The following EP400 variants were observed in gnomAD, a reference collection of about 807,000 sequenced individuals.
The protein encoded by EP400 is E1A-binding protein p400.
In EP400, 105 loss-of-function variants were observed where a neutral mutation model predicts 354.1. The observed-to-expected ratio is 0.30, with a 90% confidence interval of 0.25 to 0.35. The LOEUF is 0.35. Among genes scored for constraint, EP400 ranks in the 10% least tolerant of loss-of-function variants. The probability of loss-of-function intolerance (pLI) is 1.00; values close to 1 mark genes in which losing one functional copy is unlikely to be tolerated. For synonymous variants in EP400, 1,646 were observed against 1,716.9 expected (o/e 0.96, Z 1.02); for missense variants, 3,280 against 4,121.0 (o/e 0.80, Z 5.59).
At chr12:132,002,718 A>G (rs1323459609) in intron 12 of EP400, among the ~76,000 whole-genome samples, 2 of 152,224 alleles carry the variant, frequency 1.3e-5, no homozygotes, top group Non-Finnish European at 2.9e-5. Context: ...GAGTCTTGGA[A>G]GTCACCTACG....
chr12:132,012,910 G>T, intron 16 of EP400, 99 bp from the exon 17 acceptor site: 1 of 1,264,640 alleles, frequency 7.9e-7, no homozygotes, highest in East Asian at 2.6e-5. Flanking sequence ...GGTGGGAACG[G>T]AGTCACTGGG....
At chr12:131,989,599 C>G (rs1242744349) in intron 7 of EP400, among the ~76,000 whole-genome samples, 1 of 152,206 alleles carries the variant, frequency 6.6e-6, no homozygotes, top group Non-Finnish European at 1.5e-5. Flanking sequence ...CCAATAATTT[C>G]TATAACTGGT....
chr12:131,964,011 A>G (rs1455852106), intron 2 of EP400, among the ~76,000 whole-genome samples: 1 of 152,186 alleles, frequency 6.6e-6, no homozygotes, highest in Admixed American at 6.5e-5. Flanking sequence ...GAAAAAAAAG[A>G]TTCAAGTAGA....
intron 2 of EP400, among the ~76,000 whole-genome samples, chr12:131,968,384 T>C (rs1188497115): frequency 6.6e-6 from 1 of 152,246 alleles, no homozygotes; most frequent in Admixed American, 6.5e-5. Flanking sequence ...GATGAGTTGA[T>C]ACTTTTATGG....
Position 132,045,768 on chromosome 12 carries a change from C to G in EP400, c.7068C>G (p.Ile2356Met). ...TGGAGCTGCCTTTGAACCTCACAAT[C>G]GTGTCACCTGCTCACACACCTAATT... ...QLLELPLNLT[I>M]VSPAHTPNWD... The change falls in exon 39 of 53, where the codon ATC becomes ATG. Residue 2356 changes from isoleucine (I) to methionine (M), a missense_variant. Ile to Met is a conservative substitution (Grantham distance 10, BLOSUM62 1). Coordinates refer to ENST00000389561, the MANE Select transcript of EP400 (RefSeq NM_015409.5). 1 of 1,614,242 alleles carries G rather than the reference C, an allele frequency of 6.2e-7. No individual in the cohort carries two copies. Among genetic ancestry groups the G allele is most frequent in the Non-Finnish European group, 8.5e-7 (1 of 1,180,048 alleles).
chr12:131,982,094 A>G lies in EP400; in HGVS notation c.1545A>G (p.Gly515=), dbSNP rs1269003556. The G allele has an allele frequency of 6.6e-7, 1 of 1,506,456 alleles. No individual in the cohort carries two copies. Among genetic ancestry groups the G allele is most frequent in the Non-Finnish European group, 8.8e-7 (1 of 1,132,236 alleles). The allele number at this position is 1,506,456 out of a possible 1,614,324, so 93.3% of individuals were successfully genotyped here. The change falls in exon 5 of 53, where the codon GGA becomes GGG. Residue 515 remains glycine, a splice_region_variant and synonymous_variant. Coordinates refer to ENST00000389561, the MANE Select transcript of EP400 (RefSeq NM_015409.5). ...PLQQLMPTAQ[G]GMPPTPQAAQ... ...TTTGGCACTTTTCTTATTTTGCAGGAGGAATGCCCCCCACGCCGCAGGCCG... is the reference window on the plus strand; with the variant it reads ...TTTGGCACTTTTCTTATTTTGCAGGGGGAATGCCCCCCACGCCGCAGGCCG...
chr12:132,069,444 T>A (rs1188573305), intron 50 of EP400, 51 bp from the exon 51 acceptor site: 1 of 1,591,016 alleles, frequency 6.3e-7, no homozygotes, highest in South Asian at 1.1e-5. Flanking sequence ...GTCCCGGGAG[T>A]CTTGAGCGCG....
In EP400 at chr12:132,075,355, G is replaced by A. The variant is rs1232036613; in HGVS notation, c.9022-1161G>A. ...AGGTTGTGCAGCTTTTCTGCTCCGTGACTCGTGATGCCCGCCTGTGCTTAG... is the reference window on the plus strand; with the variant it reads ...AGGTTGTGCAGCTTTTCTGCTCCGTAACTCGTGATGCCCGCCTGTGCTTAG... On this transcript the variant is annotated intron_variant, in intron 51 of 52. Coordinates refer to ENST00000389561, the MANE Select transcript of EP400 (RefSeq NM_015409.5). This position sits in a 1 kb window ranked among gnomAD's most constrained non-coding sequence, Gnocchi z 4.5. 1.3e-5 allele frequency among the ~76,000 whole-genome samples: 2 copies of A among 152,176 alleles called. No individual in the cohort carries two copies. The highest frequency in any genetic ancestry group is 4.8e-5 in the African/African-American group (2 of 41,454).
At chr12:132,060,271 A>T (rs1277629514) in intron 45 of EP400, among the ~76,000 whole-genome samples, 2 of 152,186 alleles carry the variant, frequency 1.3e-5, no homozygotes, top group Non-Finnish European at 2.9e-5. Context: ...AAGATGACAC[A>T]TGGAGGACAT....
intron 47 of EP400, among the ~76,000 whole-genome samples, chr12:132,063,182 A>G (rs1361628485): frequency 6.6e-6 from 1 of 152,226 alleles, no homozygotes; most frequent in East Asian, 1.9e-4. Flanking sequence ...CCTCTGTACC[A>G]GCTTTGCTGT....
Position 132,053,597 on chromosome 12 carries a change from G to T in EP400, c.7728G>T (p.Leu2576=). 2 of 1,531,558 alleles carry T rather than the reference G, an allele frequency of 1.3e-6. No homozygotes were observed. Among genetic ancestry groups the T allele is most frequent in the Non-Finnish European group, 1.7e-6 (2 of 1,143,634 alleles). The allele number at this position is 1,531,558 out of a possible 1,614,324, so 94.9% of individuals were successfully genotyped here. The change falls in exon 43 of 53, where the codon CTG becomes CTT. Residue 2576 remains leucine, a splice_region_variant and synonymous_variant. Coordinates refer to ENST00000389561, the MANE Select transcript of EP400 (RefSeq NM_015409.5). ...CGACGGGGGGCAGTGCAGCCGTACTGGTGAGCAGGGGCCTCCTCCCGGGCT... is the reference window on the plus strand; with the variant it reads ...CGACGGGGGGCAGTGCAGCCGTACTTGTGAGCAGGGGCCTCCTCCCGGGCT... ...AITTGGSAAV[L]AGTIKTSVTG...
chr12:131,972,936 C>T (rs935229737), intron 2 of EP400, among the ~76,000 whole-genome samples: 3 of 151,620 alleles, frequency 2.0e-5, no homozygotes, highest in Non-Finnish European at 4.4e-5. Context: ...TTTACCATGT[C>T]GGCCAGGCTG....
At chr12:132,061,982 G>A in intron 45 of EP400, 128 bp from the exon 46 acceptor site, 2 of 732,970 alleles carry the variant, frequency 2.7e-6, no homozygotes, top group Non-Finnish European at 4.5e-6. Flanking sequence ...TCAAAAGACT[G>A]AACTCTAGCG....
At chr12:132,062,972 G>T (rs545620183) in intron 47 of EP400, among the ~76,000 whole-genome samples, 1 of 152,206 alleles carries the variant, frequency 6.6e-6, no homozygotes, top group Non-Finnish European at 1.5e-5. Context: ...TTGCTTAGGC[G>T]TCTTGTGCCT....
rs77732207 is a variant in EP400, at chr12:132,039,694, T to G, written c.6207+1598T>G. Among the ~76,000 whole-genome samples, 486 of 152,348 alleles carry G rather than the reference T, an allele frequency of 3.2e-3. 3 individuals carry two copies. Among genetic ancestry groups the G allele is most frequent in the African/African-American group, 0.011 (473 of 41,566 alleles). ...GAGGAGGTATGGATCAACCTCATTGTGTTTTAAGGAGGTAATACATGCATG... is the reference window on the plus strand; with the variant it reads ...GAGGAGGTATGGATCAACCTCATTGGGTTTTAAGGAGGTAATACATGCATG... On this transcript the variant is annotated intron_variant, in intron 32 of 52. Coordinates refer to ENST00000389561, the MANE Select transcript of EP400 (RefSeq NM_015409.5).
chr12:131,990,407 G>A lies in EP400; in HGVS notation c.2551-229G>A, dbSNP rs922044517. On this transcript the variant is annotated intron_variant, in intron 8 of 52. Coordinates refer to ENST00000389561, the MANE Select transcript of EP400 (RefSeq NM_015409.5). The surrounding 1 kb of genome is among the most constrained non-coding windows in gnomAD (Gnocchi z 4.2). Reference sequence around the variant, plus strand: ...CACCACCACGGTTACTTCTAGAGCGGTCGCTCGCTCACTTGCTTTCCTTTT... The same window carrying A: ...CACCACCACGGTTACTTCTAGAGCGATCGCTCGCTCACTTGCTTTCCTTTT... Among the ~76,000 whole-genome samples, 1 of 152,174 alleles carries A rather than the reference G, an allele frequency of 6.6e-6. No individual in the cohort carries two copies. Among genetic ancestry groups the A allele is most frequent in the South Asian group, 2.1e-4 (1 of 4,832 alleles).
At chr12:132,051,804 C>A (rs1417834003) in intron 41 of EP400, among the ~76,000 whole-genome samples, 1 of 151,984 alleles carries the variant, frequency 6.6e-6, no homozygotes, top group Non-Finnish European at 1.5e-5. Context: ...TTTCTCTAAA[C>A]TCCCCTGGGG....
chr12:131,996,538 G>A (rs907753069), intron 12 of EP400, among the ~76,000 whole-genome samples: 5 of 152,034 alleles, frequency 3.3e-5, no homozygotes, highest in African/African-American at 1.2e-4. Flanking sequence ...TGATCCACCC[G>A]CCTCAGCCTC....
chr12:132,066,945 A>T lies in EP400; in HGVS notation c.8725A>T (p.Ile2909Phe), dbSNP rs1895911813. ...PMNVAGISVA[I>F]GQPQKAAGQT... is the part of the protein sequence containing the mutation. ...GAACGTCGCGGGGATCAGCGTGGCG[A>T]TCGGTCAGCCACAGAAGGCAGCAGG... The change falls in exon 49 of 53, where the codon ATC (isoleucine) becomes TTC (phenylalanine). Residue 2909 changes from isoleucine (I) to phenylalanine (F), a missense_variant. By Grantham distance (21) the Ile-to-Phe change is conservative (BLOSUM62 0). Transcript: ENST00000389561. The T allele has an allele frequency of 6.2e-7, 1 of 1,603,908 alleles. No individual in the cohort carries two copies.
Sources: allele counts gnomAD v4.1 joint callset (sites outside exome capture counted in the v4.1 genomes callset), GRCh38; gene constraint gnomAD v4.1.1; non-coding constraint Gnocchi (gnomAD v3.1); transcripts MANE v1.5; gene names NCBI Gene and HGNC (gene_info 2026-07-23, HGNC 2026-07-21).